The following PLEKHG1 variants were observed in gnomAD, a reference collection of about 807,000 sequenced individuals.
The protein encoded by PLEKHG1 is pleckstrin homology domain-containing family G member 1.
In PLEKHG1, 44 loss-of-function variants were observed where a neutral mutation model predicts 100.8. The observed-to-expected ratio is 0.44, with a 90% confidence interval of 0.34 to 0.56. PLEKHG1 has a LOEUF of 0.56. Ranked by LOEUF, PLEKHG1 falls within the 20% of genes least tolerant of loss-of-function variation. The pLI is 0.01. For synonymous variants in PLEKHG1, 640 were observed against 662.5 expected (o/e 0.97, Z 0.52); for missense variants, 1,545 against 1,720.9 (o/e 0.90, Z 1.81).
intron 1 of PLEKHG1, among the ~76,000 whole-genome samples, chr6:150,611,046 G>T (rs781106123): frequency 1.1e-4 from 16 of 152,190 alleles, no homozygotes; most frequent in Non-Finnish European, 1.9e-4. Flanking sequence ...CTTTTGGTAA[G>T]GTGGGAATCA....
exon 6 of PLEKHG1, chr6:150,800,856 A>T: frequency 6.2e-7 from 1 of 1,613,746 alleles, no homozygotes; most frequent in Non-Finnish European, 8.5e-7. Flanking sequence ...CTCAAGTATC[A>T]TCTCCTTCTG....
At chr6:150,625,274 C>T (rs1355520840) in intron 1 of PLEKHG1, among the ~76,000 whole-genome samples, 1 of 152,138 alleles carries the variant, frequency 6.6e-6, no homozygotes, top group East Asian at 1.9e-4. Flanking sequence ...TCTCACAGTT[C>T]TGGAGGCTGG....
intron 3 of PLEKHG1, among the ~76,000 whole-genome samples, chr6:150,777,096 C>T (rs906601477): frequency 1.1e-4 from 16 of 145,916 alleles, no homozygotes; most frequent in African/African-American, 2.8e-4. Flanking sequence ...TGCACATGTG[C>T]GGTTGCACAT....
exon 16 of PLEKHG1, chr6:150,840,507 T>C: frequency 6.2e-7 from 1 of 1,614,134 alleles, no homozygotes; most frequent in Non-Finnish European, 8.5e-7. Context: ...AAATTTACCC[T>C]TAAATGCCCA....
At chr6:150,669,463 A>G (rs1779512275) in intron 3 of PLEKHG1, among the ~76,000 whole-genome samples, 1 of 152,138 alleles carries the variant, frequency 6.6e-6, no homozygotes, top group Non-Finnish European at 1.5e-5. Context: ...GCTAATGGAT[A>G]AAATAACGCG....
intron 7 of PLEKHG1, among the ~76,000 whole-genome samples, chr6:150,808,235 C>T (rs866216691): frequency 2.0e-5 from 3 of 152,010 alleles, no homozygotes; most frequent in Middle Eastern, 3.4e-3. Context: ...ACAAAAAAAG[C>T]ACTAAAACAT....
At chr6:150,611,164 A>C (rs1418001160) in intron 1 of PLEKHG1, among the ~76,000 whole-genome samples, 1 of 152,154 alleles carries the variant, frequency 6.6e-6, no homozygotes, top group East Asian at 1.9e-4. Flanking sequence ...ATTTTGGTCC[A>C]CTTCTTTATG....
chr6:150,779,362 T>TGTTTTTTTTTTTTTTGAGACAGAG (rs1785182239), intron 3 of PLEKHG1, among the ~76,000 whole-genome samples: 1 of 149,718 alleles, frequency 6.7e-6, no homozygotes, highest in East Asian at 2.0e-4. Flanking sequence ...TTTTTTTTTT[T>TGTTTTTTTTTTTTTTGAGACAGAG]TGAGACAGAG....
rs796738296 is a variant in PLEKHG1, at chr6:150,728,733, T to A, written c.-98-4851T>A. Among the ~76,000 whole-genome samples, 16 of 152,072 alleles carry A rather than the reference T, an allele frequency of 1.1e-4. 1 individual carries two copies. The highest frequency in any genetic ancestry group is 3.4e-4 in the African/African-American group (14 of 41,464). On this transcript the variant is annotated intron_variant, in intron 1 of 15. Coordinates refer to ENST00000358517, the Ensembl canonical transcript of PLEKHG1. ...CAACATGGTGAAACCCCATCTCTAC[T>A]AAAAGTACAAAAATTAGCCAGGCAT...
chr6:150,611,326 C>T (rs1258188277), intron 1 of PLEKHG1, among the ~76,000 whole-genome samples: 1 of 152,158 alleles, frequency 6.6e-6, no homozygotes, highest in Non-Finnish European at 1.5e-5. Flanking sequence ...ATGTAGCACT[C>T]TTGTTGGCAA....
intron 3 of PLEKHG1, among the ~76,000 whole-genome samples, chr6:150,694,181 C>T (rs1380076427): frequency 1.3e-5 from 2 of 152,176 alleles, no homozygotes; most frequent in Non-Finnish European, 2.9e-5. Context: ...TCCTGGCATG[C>T]AGGACTCTGC....
intron 1 of PLEKHG1, among the ~76,000 whole-genome samples, chr6:150,606,793 C>T (rs1205170378): frequency 6.6e-6 from 1 of 152,010 alleles, no homozygotes; most frequent in Admixed American, 6.5e-5. Flanking sequence ...AACATGTCAC[C>T]CAAGCCCCTG....
At chr6:150,785,352 T>G (rs1298280236) in intron 3 of PLEKHG1, among the ~76,000 whole-genome samples, 2 of 152,210 alleles carry the variant, frequency 1.3e-5, no homozygotes, top group African/African-American at 4.8e-5. Context: ...CATAGTAAGG[T>G]GTATATTAGT....
intron 2 of PLEKHG1, among the ~76,000 whole-genome samples, chr6:150,747,912 G>T (rs116042766): frequency 0.094 from 14,093 of 149,948 alleles, 727 homozygotes; most frequent in Admixed American, 0.15. Context: ...AAAAAAAAAA[G>T]TTAAGCATGC....
At chr6:150,808,173 T>C (rs1050981634) in intron 7 of PLEKHG1, among the ~76,000 whole-genome samples, 2 of 152,142 alleles carry the variant, frequency 1.3e-5, no homozygotes, top group African/African-American at 4.8e-5. Context: ...ATATATCACG[T>C]ACCCCATAAA....
intron 1 of PLEKHG1, among the ~76,000 whole-genome samples, chr6:150,628,578 C>CACACACACACACACACACACACACACA (rs1263436444): frequency 3.1e-5 from 1 of 32,110 alleles, no homozygotes; most frequent in Non-Finnish European, 7.2e-5. Flanking sequence ...ACACACACAC[C>CACACACACACACACACACACACACACA]CCGTCCTTGC....
chr6:150,641,424 C>T (rs545090756), intron 2 of PLEKHG1, among the ~76,000 whole-genome samples: 2 of 152,178 alleles, frequency 1.3e-5, no homozygotes, highest in African/African-American at 4.8e-5. Flanking sequence ...GCAAAATAAC[C>T]GTGTAAGCAC....
intron 14 of PLEKHG1, among the ~76,000 whole-genome samples, chr6:150,824,934 T>A (rs1776511281): frequency 6.6e-6 from 1 of 152,116 alleles, no homozygotes; most frequent in Non-Finnish European, 1.5e-5. Flanking sequence ...TATTAATTGG[T>A]TCATTGTCCT....
intron 15 of PLEKHG1, among the ~76,000 whole-genome samples, chr6:150,835,165 C>T (rs1173511995): frequency 6.6e-6 from 1 of 152,170 alleles, no homozygotes; most frequent in Non-Finnish European, 1.5e-5. Context: ...GCCTATAAAT[C>T]ACCCAACCAG....
Sources: allele counts gnomAD v4.1 joint callset (sites outside exome capture counted in the v4.1 genomes callset), GRCh38; gene constraint gnomAD v4.1.1; transcripts MANE v1.5; gene names NCBI Gene and HGNC (gene_info 2026-07-23, HGNC 2026-07-21).